ANKRD29: variants seen among roughly 807,000 people sequenced by gnomAD.
ANKRD29 encodes ankyrin repeat domain 29, also known as ankyrin repeat domain-containing protein 29.
Under a neutral mutation model 38.0 loss-of-function variants are expected in ANKRD29, and 32 were observed. The ratio of observed to expected loss-of-function variants is 0.84; its 90% CI spans 0.64 to 1.13. ANKRD29 has a LOEUF of 1.13. Among genes scored for constraint, ANKRD29 ranks in the 50% most tolerant of loss-of-function variants. The pLI is 0.00. For missense variants in ANKRD29, 357 were observed against 377.9 expected, an observed-to-expected ratio of 0.94 and a Z score of 0.46; for synonymous variants, 135 against 152.4, an observed-to-expected ratio of 0.89 and a Z score of 0.84.
At chr18:23,654,618 C>CAAAAAAAA (rs1167970950) in intron 1 of ANKRD29, among the ~76,000 whole-genome samples, 1 of 50,380 alleles carries the variant, frequency 2.0e-5, no homozygotes, top group Non-Finnish European at 4.5e-5. Context: ...GACTCTGTCT[C>CAAAAAAAA]AAAAAAAAAA....
In ANKRD29 at chr18:23,627,131, G is replaced by A. The variant is rs189746567; in HGVS notation, c.528+2722C>T. 2.7e-3 allele frequency among the ~76,000 whole-genome samples: 409 copies of A among 152,242 alleles called. 3 individuals carry two copies. The highest frequency in any genetic ancestry group is 4.6e-3 in the Non-Finnish European group (311 of 68,022). On this transcript the variant is annotated intron_variant, in intron 6 of 9. Transcript: ENST00000592179. Reference sequence around the variant, plus strand: ...CAGAGTTTACACTTTCAGAGAAGACGGAACTTGAGCTAGTCTGACCTGGAT... The same window carrying A: ...CAGAGTTTACACTTTCAGAGAAGACAGAACTTGAGCTAGTCTGACCTGGAT...
chr18:23,659,769 C>A (rs1193141798), intron 1 of ANKRD29, among the ~76,000 whole-genome samples: 4 of 144,356 alleles, frequency 2.8e-5, no homozygotes, highest in Admixed American at 6.9e-5. Flanking sequence ...AAACAAAAAA[C>A]AAACAAACAA....
At chr18:23,649,963 C>T (rs887565639) in intron 1 of ANKRD29, among the ~76,000 whole-genome samples, 3 of 152,134 alleles carry the variant, frequency 2.0e-5, no homozygotes, top group South Asian at 2.1e-4. Flanking sequence ...CTCTTGACCT[C>T]GTGATCCTCC....
intron 9 of ANKRD29, among the ~76,000 whole-genome samples, chr18:23,611,300 A>C (rs1008399150): frequency 2.0e-5 from 3 of 152,196 alleles, no homozygotes; most frequent in Non-Finnish European, 4.4e-5. Context: ...TGGCATTTTT[A>C]GGGTACATCT....
intron 9 of ANKRD29, among the ~76,000 whole-genome samples, chr18:23,604,040 T>C (rs1231101966): frequency 6.6e-6 from 1 of 151,994 alleles, no homozygotes; most frequent in Admixed American, 6.6e-5. Context: ...TGAGGTTTCA[T>C]CGTGTTGGCC....
chr18:23,639,529 AT>A (rs11310206), intron 3 of ANKRD29, among the ~76,000 whole-genome samples: 51,913 of 120,192 alleles, frequency 0.43, 9,193 homozygotes, highest in Admixed American at 0.55. Context: ...TTTTACTGTG[AT>A]TTTTTTTTTT....
intron 3 of ANKRD29, 113 bp from the exon 4 acceptor site, chr18:23,639,060 GA>G (rs2060039490): frequency 1.4e-6 from 1 of 736,094 alleles, no homozygotes; most frequent in East Asian, 2.9e-5. Flanking sequence ...TCTAGCCTAG[GA>G]AGGGGCTAAA....
chr18:23,647,369 C>T (rs559399251), intron 2 of ANKRD29: 3 of 152,266 alleles, frequency 2.0e-5, no homozygotes, highest in African/African-American at 7.2e-5. Context: ...AATAACATTA[C>T]GATAATTCAA....
intron 1 of ANKRD29, among the ~76,000 whole-genome samples, chr18:23,657,443 T>TA (rs1164149072): frequency 6.6e-6 from 1 of 152,142 alleles, no homozygotes; most frequent in Non-Finnish European, 1.5e-5. Flanking sequence ...TAAAAATACT[T>TA]AAAAAAATTG....
At chr18:23,657,782 T>G (rs1423044130) in intron 1 of ANKRD29, among the ~76,000 whole-genome samples, 3 of 152,262 alleles carry the variant, frequency 2.0e-5, no homozygotes, top group Non-Finnish European at 4.4e-5. Context: ...TATGGCTGAA[T>G]GATAGTCCAT....
At chr18:23,639,382 G>A (rs2060043206) in intron 3 of ANKRD29, among the ~76,000 whole-genome samples, 1 of 152,078 alleles carries the variant, frequency 6.6e-6, no homozygotes, top group Non-Finnish European at 1.5e-5. Flanking sequence ...CAAGCAAAAT[G>A]TGATGTATCC....
At chr18:23,617,894 T>C (rs2059745409) in intron 7 of ANKRD29, 67 bp from the exon 8 acceptor site, 8 of 1,341,124 alleles carry the variant, frequency 6.0e-6, no homozygotes, top group East Asian at 4.7e-5. Flanking sequence ...AAGCAGTCAG[T>C]TGGGAACTGG....
rs1037651909 is a variant in ANKRD29 at position 23,599,965 on chromosome 18, A to G, written c.*1261T>C. On this transcript the variant is annotated 3_prime_UTR_variant, in exon 10 of 10. Coordinates refer to ENST00000592179, the MANE Select transcript of ANKRD29 (RefSeq NM_173505.4). ...CCTCTAAAAGTGTCTTTACATAGAC[A>G]CTGACTGAAAACCAGAGCAGAACAT... 3 of 152,238 alleles carry G rather than the reference A, an allele frequency of 2.0e-5. No individual in the cohort carries two copies. Among genetic ancestry groups the G allele is most frequent in the African/African-American group, 7.2e-5 (3 of 41,464 alleles). 9.4% of individuals were successfully genotyped at this position (152,238 alleles called of 1,614,324 possible).
At chr18:23,615,943 A>ATATATATATATGTAT (rs113353389) in intron 8 of ANKRD29, among the ~76,000 whole-genome samples, 1 of 141,006 alleles carries the variant, frequency 7.1e-6, no homozygotes, top group Admixed American at 7.0e-5. Context: ...TATAGTATAT[A>ATATATATATATGTAT]ATATATACAT....
At position 23,617,770 on chromosome 18, in the gene ANKRD29, C is replaced by A; in HGVS notation, c.685G>T (p.Glu229Ter). 1 of 1,614,102 alleles carries A rather than the reference C, an allele frequency of 6.2e-7. No individual in the cohort carries two copies. The highest frequency in any genetic ancestry group is 8.5e-7 in the Non-Finnish European group (1 of 1,180,004). The change falls in exon 8 of 10, where the codon GAG (glutamate) becomes TAG (stop). Residue 229 changes from glutamate to a stop codon, truncating the protein, a stop_gained. Coordinates refer to ENST00000592179, the MANE Select transcript of ANKRD29 (RefSeq NM_173505.4). LOFTEE classifies it high-confidence loss of function. ...AGAGTGGGTGAGAATTTAAGCAACT[C>A]TTTTATGACATCATTATACCCTTTG... ...ANKGYNDVIK[E>*]LLKFSPTLGI...
chr18:23,621,178 T>A (rs1016913585), intron 6 of ANKRD29, among the ~76,000 whole-genome samples: 1 of 152,220 alleles, frequency 6.6e-6, no homozygotes, highest in Admixed American at 6.5e-5. Flanking sequence ...AGAGACTGTT[T>A]TAGCCAGATA....
intron 7 of ANKRD29, 176 bp downstream of exon 7, chr18:23,619,355 G>A: frequency 3.2e-6 from 2 of 616,592 alleles, no homozygotes; most frequent in East Asian, 3.1e-5. Context: ...AGGTCATCTC[G>A]GGTGGAGGAG....
At chr18:23,655,907 A>C (rs1434017246) in intron 1 of ANKRD29, among the ~76,000 whole-genome samples, 7 of 148,840 alleles carry the variant, frequency 4.7e-5, no homozygotes, top group Admixed American at 1.3e-4. Flanking sequence ...TCCCGGCTAA[A>C]ACGGTGAAAC....
intron 1 of ANKRD29, among the ~76,000 whole-genome samples, chr18:23,653,169 G>A (rs563669886): frequency 7.2e-5 from 11 of 152,178 alleles, no homozygotes; most frequent in African/African-American, 9.7e-5. Flanking sequence ...TGATGTTTGC[G>A]CAATGAAAGA....
Sources: gnomAD v4.1 joint callset for allele counts (sites outside exome capture counted in the v4.1 genomes callset) on GRCh38, gnomAD v4.1.1 for gene constraint, MANE v1.5 for transcripts, NCBI Gene and HGNC (gene_info 2026-07-23, HGNC 2026-07-21) for gene names.